LRRTM3: variants seen among roughly 807,000 people sequenced by gnomAD.
The protein encoded by LRRTM3 is leucine rich repeat transmembrane neuronal 3.
A neutral mutation model predicts 44.7 loss-of-function variants in LRRTM3; 24 were observed. That is an observed-to-expected ratio of 0.54 (90% CI 0.39 to 0.76). The LOEUF (loss-of-function observed/expected upper bound fraction) is 0.76, where lower values mean the gene tolerates loss of function less well. LRRTM3 is among the 30% of genes least tolerant of loss of function. LRRTM3 has a pLI of 0.00. For missense variants in LRRTM3, 587 were observed against 702.2 expected, an observed-to-expected ratio of 0.84 and a Z score of 1.85; for synonymous variants, 277 against 278.7, an observed-to-expected ratio of 0.99 and a Z score of 0.06.
At chr10:67,024,079 G>C (rs1366664798) in intron 2 of LRRTM3, among the ~76,000 whole-genome samples, 1 of 152,158 alleles carries the variant, frequency 6.6e-6, no homozygotes, top group African/African-American at 2.4e-5. Context: ...TCCAAAATCA[G>C]CCTCACTGAG....
intron 2 of LRRTM3, among the ~76,000 whole-genome samples, chr10:66,974,068 A>C (rs576754960): frequency 4.5e-4 from 68 of 152,338 alleles, no homozygotes; most frequent in African/African-American, 1.6e-3. Flanking sequence ...TCACCAAAAA[A>C]GTTGCCCTGA....
rs143239282 is a variant in LRRTM3 at position 66,927,242 on chromosome 10, G to A, written c.326G>A (p.Arg109His). Residue 109 changes from arginine (R) to histidine (H), a missense_variant, in exon 2 of 3, where the codon CGC becomes CAC. By Grantham distance (29) the Arg-to-His change is conservative (BLOSUM62 0). Around this residue, in one of 3 missense-constraint regions of LRRTM3, gnomAD observed 222 missense variants for 323.3 expected, o/e 0.69. Coordinates refer to ENST00000361320, the MANE Select transcript of LRRTM3 (RefSeq NM_178011.5). This position sits in a 1 kb window ranked among gnomAD's most constrained non-coding sequence, Gnocchi z 4.7. Reference sequence around the variant, plus strand: ...GACGAAAATGCTTTTAATGGAATACGCAGACTCAAAGAGCTGATTCTTAGT... The same window carrying A: ...GACGAAAATGCTTTTAATGGAATACACAGACTCAAAGAGCTGATTCTTAGT... ...NIDENAFNGI[R>H]RLKELILSSN... 2.1e-5 allele frequency: 34 copies of A among 1,613,882 alleles called. No individual in the cohort carries two copies. The highest frequency in any genetic ancestry group is 2.9e-5 in the Non-Finnish European group (34 of 1,180,036).
At position 66,957,423 on chromosome 10, in the gene LRRTM3, TATATGC is replaced by T. The variant is rs1308641107; in HGVS notation, c.1536+28976_1536+28981del. Among the ~76,000 whole-genome samples the T allele has an allele frequency of 0.016, 478 of 29,176 alleles. 40 individuals are homozygous for T. The East Asian group carries it at 0.19, about 12-fold the overall frequency. 19.1% of individuals were successfully genotyped at this position (29,176 alleles called of 152,430 possible). A position where few individuals can be genotyped will look rare whatever the true frequency, so the allele number is the denominator to read the frequency against. Reference sequence around the variant, plus strand: ...ATATATATATATATATGCATATATATATATGCATATATATATATGCATATATATATA... The same window carrying T: ...ATATATATATATATATGCATATATATATATATATATATGCATATATATATA... On this transcript the variant is annotated intron_variant, in intron 2 of 2. Coordinates refer to ENST00000361320, the MANE Select transcript of LRRTM3 (RefSeq NM_178011.5).
Position 67,058,599 on chromosome 10 carries a change from G to T in LRRTM3, c.1537-38988G>T, listed in dbSNP as rs368828720. ...TATCATTCACATCCTCCATTGCCCT[G>T]CAAGGCCCCTTTTTTTTCTGTGCGC... On this transcript the variant is annotated intron_variant, in intron 2 of 2. Transcript: ENST00000361320. Among the ~76,000 whole-genome samples, 34 of 152,190 alleles carry T rather than the reference G, an allele frequency of 2.2e-4. No homozygotes were observed. In the East Asian group the frequency reaches 2.5e-3, roughly 11 times the overall value.
intron 2 of LRRTM3, among the ~76,000 whole-genome samples, chr10:67,037,627 T>G (rs902136877): frequency 6.6e-6 from 1 of 152,114 alleles, no homozygotes; most frequent in Non-Finnish European, 1.5e-5. Context: ...GATGAAAACC[T>G]GAACTAAGAC....
intron 2 of LRRTM3, among the ~76,000 whole-genome samples, chr10:66,980,264 G>A (rs1305312411): frequency 1.3e-5 from 2 of 152,104 alleles, no homozygotes; most frequent in East Asian, 1.9e-4. Flanking sequence ...TGTGTTCCTT[G>A]TCTCTTCTCC....
intron 2 of LRRTM3, among the ~76,000 whole-genome samples, chr10:67,088,786 A>G (rs185342701): frequency 9.9e-4 from 151 of 152,200 alleles, no homozygotes; most frequent in Non-Finnish European, 1.7e-3. Flanking sequence ...TATTCTCGTT[A>G]CAGACACTTG....
rs750085717 is a variant in LRRTM3, at chr10:66,926,979, T to C, written c.63T>C (p.Thr21=). 5 of 1,614,102 alleles carry C rather than the reference T, an allele frequency of 3.1e-6. No homozygotes were observed. Among genetic ancestry groups the C allele is most frequent in the Non-Finnish European group, 4.2e-6 (5 of 1,180,004 alleles). The change falls in exon 2 of 3, where the codon ACT becomes ACC. Residue 21 remains threonine (T), a synonymous_variant. Transcript: ENST00000361320. The stretch of plus-strand genomic sequence containing the variant: ...CTGTAGCACTGGTTATAGCCCCCAC[T>C]GTCTTACTGACAATGCTTTCTTCTG... ...GSAVALVIAP[T]VLLTMLSSAE... is the part of the protein sequence containing the mutation.
chr10:67,084,933 G>T (rs540991312), intron 2 of LRRTM3, among the ~76,000 whole-genome samples: 5 of 151,918 alleles, frequency 3.3e-5, no homozygotes, highest in Non-Finnish European at 5.9e-5. Context: ...TTCATATTAT[G>T]TTATATTTGT....
chr10:67,039,967 G>T (rs2133142229), intron 2 of LRRTM3, among the ~76,000 whole-genome samples: 1 of 152,156 alleles, frequency 6.6e-6, no homozygotes, highest in African/African-American at 2.4e-5. Flanking sequence ...CTGTCTGGGG[G>T]TTACCAGTTC....
At chr10:66,993,301 A>G (rs117388432) in intron 2 of LRRTM3, among the ~76,000 whole-genome samples, 1 of 152,298 alleles carries the variant, frequency 6.6e-6, no homozygotes, top group Non-Finnish European at 1.5e-5. Flanking sequence ...CAGATGTCTT[A>G]AAGTCTAGCC....
intron 2 of LRRTM3, among the ~76,000 whole-genome samples, chr10:67,047,264 C>T (rs939277889): frequency 1.6e-4 from 24 of 152,076 alleles, no homozygotes; most frequent in Admixed American, 6.5e-5. Flanking sequence ...ATAAAGAATG[C>T]TTACTGGGAA....
chr10:66,949,913 C>T (rs1456735759), intron 2 of LRRTM3, among the ~76,000 whole-genome samples: 5 of 152,170 alleles, frequency 3.3e-5, no homozygotes, highest in African/African-American at 9.6e-5. Context: ...TTCAGAATCA[C>T]GGGCCTAAAG....
chr10:67,082,485 A>G (rs1262643301), intron 2 of LRRTM3, among the ~76,000 whole-genome samples: 1 of 152,176 alleles, frequency 6.6e-6, no homozygotes, highest in Non-Finnish European at 1.5e-5. Flanking sequence ...GCAAAGGGCT[A>G]TACTTAAGGC....
At chr10:66,932,284 G>A (rs1847447193) in intron 2 of LRRTM3, among the ~76,000 whole-genome samples, 1 of 152,160 alleles carries the variant, frequency 6.6e-6, no homozygotes, top group East Asian at 1.9e-4. Context: ...GTAGGTGCAT[G>A]AAATATCTCT....
At chr10:66,989,168 T>C (rs1850898747) in intron 2 of LRRTM3, among the ~76,000 whole-genome samples, 1 of 152,180 alleles carries the variant, frequency 6.6e-6, no homozygotes, top group Non-Finnish European at 1.5e-5. Flanking sequence ...GTAAAATCTT[T>C]TTGAAGGTAA....
chr10:67,058,891 C>T (rs552530748), intron 2 of LRRTM3, among the ~76,000 whole-genome samples: 31 of 152,258 alleles, frequency 2.0e-4, no homozygotes, highest in African/African-American at 7.5e-4. Flanking sequence ...AGTATGACTA[C>T]ACCTGCCTAT....
At chr10:67,025,135 C>CA (rs1173565397) in intron 2 of LRRTM3, among the ~76,000 whole-genome samples, 21 of 28,832 alleles carry the variant, frequency 7.3e-4, no homozygotes, top group Admixed American at 1.7e-3. Context: ...CTGTCAAAAA[C>CA]AAAAAAAAAA....
chr10:66,927,590 T>G lies in LRRTM3; in HGVS notation c.674T>G (p.Phe225Cys). The change falls in exon 2 of 3, where the codon TTT (phenylalanine) becomes TGT (cysteine). Residue 225 changes from phenylalanine to cysteine, a missense_variant. Physicochemically the swap from Phe to Cys is radical, Grantham distance 205. This residue lies in a region of LRRTM3 where 222 missense variants were observed against 323.3 expected (regional missense o/e 0.69). Transcript: ENST00000361320. The surrounding 1 kb of genome is among the most constrained non-coding windows in gnomAD (Gnocchi z 4.7). The part of the protein sequence containing the change: ...NQFSKLNLAL[F>C]PRLVSLQNLY... ...TTTTCCAAGCTCAACCTGGCCCTTT[T>G]TCCAAGGTTGGTCAGCCTTCAGAAC... The G allele has an allele frequency of 6.2e-7, 1 of 1,614,174 alleles. No homozygotes were observed. The highest frequency in any genetic ancestry group is 8.5e-7 in the Non-Finnish European group (1 of 1,180,030).
Sources: gnomAD v4.1 joint callset for allele counts (sites outside exome capture counted in the v4.1 genomes callset) on GRCh38, gnomAD v4.1.1 for gene constraint, gnomAD v4.1.1 regional missense constraint, Gnocchi (gnomAD v3.1) non-coding constraint, MANE v1.5 for transcripts, NCBI Gene and HGNC (gene_info 2026-07-23, HGNC 2026-07-21) for gene names.